Variants in IL1RAPL1 observed in about 807,000 individuals in gnomAD.
IL1RAPL1 encodes interleukin 1 receptor accessory protein like 1, also known as interleukin-1 receptor accessory protein-like 1.
In IL1RAPL1, 3 loss-of-function variants were observed where a neutral mutation model predicts 48.4. The observed-to-expected ratio is 0.06, with a 90% CI of 0.03 to 0.16. The LOEUF (loss-of-function observed/expected upper bound fraction) is 0.16, where lower values mean the gene tolerates loss of function less well. IL1RAPL1 is among the 10% of genes least tolerant of loss of function. The probability of loss-of-function intolerance (pLI) is 1.00; values close to 1 mark genes in which losing one functional copy is unlikely to be tolerated. For synonymous variants in IL1RAPL1, 185 were observed against 187.7 expected (o/e 0.99, Z 0.12); for missense variants, 349 against 530.6 (o/e 0.66, Z 3.36).
chrX:29,091,211 C>T (rs906757049), intron 2 of IL1RAPL1, among the ~76,000 whole-genome samples: 1 of 112,312 alleles, frequency 8.9e-6, no homozygotes, highest in Middle Eastern at 4.2e-3. Context: ...GAGATATGCT[C>T]ACCTGCATCT....
intron 2 of IL1RAPL1, among the ~76,000 whole-genome samples, chrX:29,113,897 G>A (rs1350419153): frequency 9.0e-6 from 1 of 111,111 alleles, no homozygotes; most frequent in Non-Finnish European, 1.9e-5. Context: ...GCAGTGATAG[G>A]CATCTTTGAT....
intron 1 of IL1RAPL1, chrX:28,659,537 C>T (rs1934791993): frequency 2.2e-6 from 1 of 455,635 alleles, no homozygotes. Context: ...AGAGGCGGCG[C>T]TGGCTAGAGG....
chrX:29,587,395 T>C (rs977777230), intron 5 of IL1RAPL1, among the ~76,000 whole-genome samples: 2 of 109,363 alleles, frequency 1.8e-5, no homozygotes, highest in African/African-American at 6.6e-5. Context: ...TTGGGGGGCA[T>C]TGGAGTATGT....
At chrX:29,393,442 A>T (rs1438949132) in intron 3 of IL1RAPL1, among the ~76,000 whole-genome samples, 1 of 111,952 alleles carries the variant, frequency 8.9e-6, no homozygotes, top group Admixed American at 9.5e-5. Flanking sequence ...GTTCTCAAAA[A>T]TAATGAGTGA....
At chrX:29,920,794 CAAAA>C (rs1176529100) in intron 8 of IL1RAPL1, among the ~76,000 whole-genome samples, 5 of 31,631 alleles carry the variant, frequency 1.6e-4, no homozygotes, top group African/African-American at 6.3e-4. Flanking sequence ...GACCCTGTCT[CAAAA>C]AAAAAAAAAA....
At chrX:29,391,883 T>C (rs1933858337) in intron 3 of IL1RAPL1, among the ~76,000 whole-genome samples, 1 of 111,890 alleles carries the variant, frequency 8.9e-6, no homozygotes, top group Admixed American at 9.5e-5. Flanking sequence ...AATTAGATAA[T>C]AGAATTCGAA....
In IL1RAPL1 at chrX:29,889,890, T is replaced by G. The variant is rs1932242101; in HGVS notation, c.779-27574T>G. The stretch of plus-strand genomic sequence containing the variant: ...CAATTTTTTTTTTACTATGACCATT[T>G]GATTTAGTATGAAATTTGTTATATA... On this transcript the variant is annotated intron_variant, in intron 6 of 10. Transcript: ENST00000378993. Among the ~76,000 whole-genome samples the G allele has an allele frequency of 2.7e-5, 3 of 110,173 alleles. No homozygotes were observed. The South Asian group carries it at 1.1e-3, about 42-fold the overall frequency.
chrX:28,668,233 T>C (rs1934903406), intron 1 of IL1RAPL1, among the ~76,000 whole-genome samples: 1 of 111,922 alleles, frequency 8.9e-6, no homozygotes, highest in African/African-American at 3.3e-5. Flanking sequence ...TGCCACTGAA[T>C]TCAAGGCTGG....
chrX:29,209,673 C>T (rs1317238421), intron 2 of IL1RAPL1, among the ~76,000 whole-genome samples: 1 of 112,362 alleles, frequency 8.9e-6, no homozygotes, highest in African/African-American at 3.2e-5. Context: ...ACTTCTAGCT[C>T]TCACCATTAC....
intron 2 of IL1RAPL1, among the ~76,000 whole-genome samples, chrX:29,112,854 C>T (rs1271659840): frequency 3.2e-5 from 3 of 93,623 alleles, no homozygotes; most frequent in African/African-American, 4.2e-5. Flanking sequence ...GGCTGGAGGG[C>T]AGTGGCGAGA....
At chrX:29,385,494 A>G (rs886258753) in intron 3 of IL1RAPL1, among the ~76,000 whole-genome samples, 4 of 111,988 alleles carry the variant, frequency 3.6e-5, no homozygotes, top group African/African-American at 1.3e-4. Context: ...CCCATGAAAC[A>G]CTAACTTTCC....
chrX:29,776,845 A>G (rs1185931197), intron 6 of IL1RAPL1, among the ~76,000 whole-genome samples: 2 of 111,375 alleles, frequency 1.8e-5, no homozygotes, highest in Non-Finnish European at 3.8e-5. Context: ...AGACATTTTT[A>G]GTAATGACAT....
intron 5 of IL1RAPL1, among the ~76,000 whole-genome samples, chrX:29,405,663 G>A (rs1934055864): frequency 9.1e-6 from 1 of 109,850 alleles, no homozygotes; most frequent in African/African-American, 3.4e-5. Context: ...ACCACGCCCA[G>A]GCTCTGTGTT....
At chrX:29,074,591 T>A (rs1927632141) in intron 2 of IL1RAPL1, among the ~76,000 whole-genome samples, 1 of 112,224 alleles carries the variant, frequency 8.9e-6, no homozygotes, top group Non-Finnish European at 1.9e-5. Flanking sequence ...TCTTTAGACT[T>A]CTTTTCCATG....
chrX:28,985,438 GT>G (rs1925441722), intron 2 of IL1RAPL1, among the ~76,000 whole-genome samples: 1 of 111,691 alleles, frequency 9.0e-6, no homozygotes, highest in African/African-American at 3.3e-5. Flanking sequence ...CATAACACAT[GT>G]GCACAGAGAT....
intron 6 of IL1RAPL1, among the ~76,000 whole-genome samples, chrX:29,788,103 TTG>T (rs61302840): frequency 0.46 from 49,847 of 108,324 alleles, 8,651 homozygotes; most frequent in East Asian, 0.72. Flanking sequence ...ATGATTTAAA[TTG>T]TGTGTGTGTG....
chrX:28,638,079 A>T (rs1345907381), intron 1 of IL1RAPL1, among the ~76,000 whole-genome samples: 1 of 112,114 alleles, frequency 8.9e-6, no homozygotes, highest in Non-Finnish European at 1.9e-5. Context: ...AGGACATAAA[A>T]TAACCCACTT....
At chrX:29,226,228 C>A (rs748405878) in intron 2 of IL1RAPL1, among the ~76,000 whole-genome samples, 3 of 111,405 alleles carry the variant, frequency 2.7e-5, no homozygotes, top group Non-Finnish European at 5.7e-5. Context: ...GATATCTTTT[C>A]ATACTTCTAG....
intron 3 of IL1RAPL1, among the ~76,000 whole-genome samples, chrX:29,377,092 C>G (rs1193635699): frequency 3.6e-5 from 4 of 112,140 alleles, no homozygotes; most frequent in Non-Finnish European, 7.5e-5. Context: ...TGGAGTGTAA[C>G]TGTTATCATT....
Sources: gnomAD v4.1 joint callset for allele counts (sites outside exome capture counted in the v4.1 genomes callset) on GRCh38, gnomAD v4.1.1 for gene constraint, MANE v1.5 for transcripts, NCBI Gene and HGNC (gene_info 2026-07-23, HGNC 2026-07-21) for gene names.